The following MOK variants were observed in gnomAD, a reference collection of about 807,000 sequenced individuals.
The protein encoded by MOK is MOK protein kinase.
MOK carries 59 observed loss-of-function variants against 54.2 expected under a neutral mutation model. The ratio of observed to expected loss-of-function variants is 1.09; its 90% confidence interval spans 0.88 to 1.35. The LOEUF (loss-of-function observed/expected upper bound fraction) is 1.35, where lower values mean the gene tolerates loss of function less well. Ranked by LOEUF, MOK falls within the 40% of genes most tolerant of loss-of-function variation. MOK has a pLI of 0.00. For missense variants in MOK, 517 were observed against 526.2 expected (o/e 0.98, Z 0.17); for synonymous variants, 210 against 202.7 (o/e 1.04, Z -0.31).
chr14:102,240,779 C>A lies in MOK; in HGVS notation c.591-6990G>T, dbSNP rs1280899498. Reference sequence around the variant, plus strand: ...CGGGGATGCCTGCTTTGGCTGCTCACCCACATTGCAGCCCAGGGCTGCTCA... The same window carrying A: ...CGGGGATGCCTGCTTTGGCTGCTCAACCACATTGCAGCCCAGGGCTGCTCA... On this transcript the variant is annotated intron_variant, in intron 7 of 11. Transcript: ENST00000361847. This position sits in a 1 kb window ranked among gnomAD's most constrained non-coding sequence, Gnocchi z 5.4. Among the ~76,000 whole-genome samples, 2 of 152,186 alleles carry A rather than the reference C, an allele frequency of 1.3e-5. No homozygotes were observed. Among genetic ancestry groups the A allele is most frequent in the African/African-American group, 2.4e-5 (1 of 41,452 alleles).
At chr14:102,252,365 G>C (rs1306692249) in intron 4 of MOK, among the ~76,000 whole-genome samples, 1 of 151,732 alleles carries the variant, frequency 6.6e-6, no homozygotes, top group African/African-American at 2.4e-5. Context: ...TGAGGCTGGA[G>C]AATCGCTTGA....
At chr14:102,302,949 G>A (rs1023839381) in intron 1 of MOK, among the ~76,000 whole-genome samples, 6 of 151,354 alleles carry the variant, frequency 4.0e-5, no homozygotes, top group Admixed American at 1.3e-4. Flanking sequence ...ATCGCTTGAC[G>A]TCAGGAGTTT....
Position 102,288,658 on chromosome 14 carries a change from T to C in MOK, c.8-5066A>G, listed in dbSNP as rs114553041. Among the ~76,000 whole-genome samples the C allele has an allele frequency of 4.6e-3, 703 of 152,306 alleles. 6 individuals are homozygous for C. Among genetic ancestry groups the C allele is most frequent in the African/African-American group, 0.016 (652 of 41,556 alleles). On this transcript the variant is annotated intron_variant, in intron 1 of 11. Transcript: ENST00000361847. ...CACAACTCAGAAAATATACTTAAAA[T>C]CACTGAGCAGTATACTTTAAATGAG...
chr14:102,251,639 A>T (rs1458352525), intron 6 of MOK, 117 bp downstream of exon 6: 1 of 816,044 alleles, frequency 1.2e-6, no homozygotes. Context: ...ACTGTAACAA[A>T]CAGGCTGTCT....
intron 7 of MOK, among the ~76,000 whole-genome samples, chr14:102,250,387 G>A (rs780949072): frequency 1.6e-4 from 25 of 152,140 alleles, no homozygotes; most frequent in Non-Finnish European, 3.5e-4. Flanking sequence ...ATGGAGCAGG[G>A]AGGGGTGGGA....
the MOK span, among the ~76,000 whole-genome samples, chr14:102,215,844 A>G: frequency 5.9e-5 from 9 of 152,170 alleles, no homozygotes; most frequent in Non-Finnish European, 1.0e-4. Flanking sequence ...TTGTCTTACT[A>G]TGAAATACCA....
At chr14:102,216,700 C>A in the MOK span, among the ~76,000 whole-genome samples, 4 of 152,136 alleles carry the variant, frequency 2.6e-5, no homozygotes, top group Non-Finnish European at 5.9e-5. Context: ...GAGGCCGAGG[C>A]GGGTGGATCA....
At position 102,245,568 on chromosome 14, in the gene MOK, G is replaced by A. The variant is rs543826316; in HGVS notation, c.590+5244C>T. Among the ~76,000 whole-genome samples, 24 of 151,240 alleles carry A rather than the reference G, an allele frequency of 1.6e-4. No homozygotes were observed. Among genetic ancestry groups the A allele is most frequent in the South Asian group, 6.3e-4 (3 of 4,728 alleles). Reference sequence around the variant, plus strand: ...AACTGAGCACCTTGTGACCCCCTCCGCCTGCCCCTGCCCACCGGAGAACAA... The same window carrying A: ...AACTGAGCACCTTGTGACCCCCTCCACCTGCCCCTGCCCACCGGAGAACAA... On this transcript the variant is annotated intron_variant, in intron 7 of 11. Transcript: ENST00000361847. The surrounding 1 kb of genome is among the most constrained non-coding windows in gnomAD (Gnocchi z 4.3).
chr14:102,273,706 G>A (rs1463128408), intron 2 of MOK, among the ~76,000 whole-genome samples: 1 of 152,062 alleles, frequency 6.6e-6, no homozygotes, highest in African/African-American at 2.4e-5. Context: ...TAGAACCTGT[G>A]AACCCGGAAG....
chr14:102,218,256 G>A, the MOK span, among the ~76,000 whole-genome samples: 7 of 152,246 alleles, frequency 4.6e-5, no homozygotes, highest in African/African-American at 1.7e-4. Context: ...AGGTGGATGA[G>A]GGATGAGCTG....
At chr14:102,227,412 T>C (rs1567119002), downstream of MOK, among the ~76,000 whole-genome samples, 1 of 146,790 alleles carries the variant, frequency 6.8e-6, no homozygotes, top group Non-Finnish European at 1.5e-5. Flanking sequence ...GACGTCCGAC[T>C]CCCCTGGGAC....
intron 7 of MOK, among the ~76,000 whole-genome samples, chr14:102,239,626 A>T (rs1437744638): frequency 2.0e-5 from 3 of 152,158 alleles, no homozygotes; most frequent in Non-Finnish European, 4.4e-5. Flanking sequence ...ATCCCAGTAC[A>T]GTGGGAGGCC....
chr14:102,217,332 A>AGTT, the MOK span, among the ~76,000 whole-genome samples: 3 of 152,020 alleles, frequency 2.0e-5, no homozygotes, highest in Non-Finnish European at 2.9e-5. Context: ...CTTTTCTTCC[A>AGTT]CCTTCAGATC....
intron 2 of MOK, among the ~76,000 whole-genome samples, chr14:102,274,103 G>A (rs1597480767): frequency 6.6e-6 from 1 of 151,666 alleles, no homozygotes; most frequent in East Asian, 2.0e-4. Context: ...GACTATAGGC[G>A]CCTGCCACCA....
chr14:102,268,630 GATCGGCTGGGC>G (rs2068097776), intron 2 of MOK, among the ~76,000 whole-genome samples: 2 of 152,058 alleles, frequency 1.3e-5, no homozygotes, highest in Admixed American at 1.3e-4. Flanking sequence ...AAAATGTAAA[GATCGGCTGGGC>G]ACGGTGGCTC....
intron 7 of MOK, among the ~76,000 whole-genome samples, chr14:102,237,770 A>C (rs1157437537): frequency 2.0e-5 from 3 of 152,136 alleles, no homozygotes; most frequent in African/African-American, 7.2e-5. Flanking sequence ...TACCTCTCTA[A>C]ACAGTTAGAC....
chr14:102,229,763 C>T, intron 10 of MOK, 106 bp from the exon 11 acceptor site: 1 of 1,056,692 alleles, frequency 9.5e-7, no homozygotes, highest in Non-Finnish European at 1.3e-6. Flanking sequence ...AATACAATTT[C>T]TTGACCATAA....
chr14:102,301,595 C>T lies in MOK; in HGVS notation c.7+3367G>A, dbSNP rs1410907487. Among the ~76,000 whole-genome samples the T allele has an allele frequency of 2.6e-5, 4 of 152,184 alleles. No individual in the cohort carries two copies. In the South Asian group the frequency reaches 8.3e-4, roughly 32 times the overall value. On this transcript the variant is annotated intron_variant, in intron 1 of 11. Transcript: ENST00000361847. ...CCATTACTCACTTTTCCTGATCATT[C>T]TACTTCTATAACTCTGTCTCTGTGA...
chr14:102,299,608 C>G (rs1380971264), intron 1 of MOK, among the ~76,000 whole-genome samples: 2 of 151,938 alleles, frequency 1.3e-5, no homozygotes, highest in Admixed American at 1.3e-4. Context: ...TTTTTTGAAA[C>G]AGGGTCTTCC....
Sources: gnomAD v4.1 joint callset for allele counts (sites outside exome capture counted in the v4.1 genomes callset) on GRCh38, gnomAD v4.1.1 for gene constraint, Gnocchi (gnomAD v3.1) non-coding constraint, MANE v1.5 for transcripts, NCBI Gene and HGNC (gene_info 2026-07-23, HGNC 2026-07-21) for gene names.